The following ABLIM2 variants were observed in gnomAD, a reference collection of about 807,000 sequenced individuals.
The protein encoded by ABLIM2 is actin-binding LIM protein 2.
ABLIM2 carries 53 observed loss-of-function variants against 97.7 expected under a neutral mutation model. The observed-to-expected ratio is 0.54, with a 90% CI of 0.44 to 0.68. The LOEUF is 0.68. Ranked by LOEUF, ABLIM2 falls within the 30% of genes least tolerant of loss-of-function variation. The pLI is 0.00. For missense variants in ABLIM2, 835 were observed against 867.2 expected, an observed-to-expected ratio of 0.96 and a Z score of 0.47; for synonymous variants, 361 against 345.8, an observed-to-expected ratio of 1.04 and a Z score of -0.49.
At chr4:8,104,934 T>G (rs2386115) in intron 2 of ABLIM2, among the ~76,000 whole-genome samples, 18,457 of 152,190 alleles carry the variant, frequency 0.12, 1,986 homozygotes, top group African/African-American at 0.28. Context: ...TGGGCAGCAC[T>G]GGAGACAGCA....
intron 1 of ABLIM2, among the ~76,000 whole-genome samples, chr4:8,107,124 C>T (rs774527848): frequency 6.6e-6 from 1 of 152,236 alleles, no homozygotes. Context: ...CTCAGGGGAG[C>T]TCACTTCAAA....
rs774186019 is a variant in ABLIM2, at chr4:8,158,720, G to A, written c.-31C>T. ...CAGCCGCTCGGAGTCGGGGCGGCCC[G>A]GCGCTGCGACAGCCAGACCCTCGGG... On this transcript the variant is annotated 5_prime_UTR_variant, in exon 1 of 21. Transcript: ENST00000447017. 2.8e-5 allele frequency: 40 copies of A among 1,435,466 alleles called. No individual in the cohort carries two copies. Among genetic ancestry groups the A allele is most frequent in the Non-Finnish European group, 3.5e-5 (38 of 1,094,078 alleles). 88.9% of individuals were successfully genotyped at this position (1,435,466 alleles called of 1,614,324 possible).
chr4:8,141,195 A>C (rs1289255757), intron 1 of ABLIM2, among the ~76,000 whole-genome samples: 8 of 148,152 alleles, frequency 5.4e-5, no homozygotes, highest in South Asian at 4.3e-4. Flanking sequence ...CCCTCTCCCC[A>C]CCCCCCGGAG....
rs189934689 is a variant in ABLIM2, at chr4:8,093,190, T to A, written c.338+3909A>T. Among the ~76,000 whole-genome samples, 9 of 152,308 alleles carry A rather than the reference T, an allele frequency of 5.9e-5. No homozygotes were observed. The East Asian group carries it at 1.7e-3, about 29-fold the overall frequency. On this transcript the variant is annotated intron_variant, in intron 3 of 20. Coordinates refer to ENST00000447017, the MANE Select transcript of ABLIM2 (RefSeq NM_001130083.2). ...AACAGTATTTTGGGTCTTATTATTATTGAGTTGTGAATAATCAATATTTTG... is the reference window on the plus strand; with the variant it reads ...AACAGTATTTTGGGTCTTATTATTAATGAGTTGTGAATAATCAATATTTTG...
rs1822676599 is a variant in ABLIM2, at chr4:8,085,266, C to T, written c.454+2903G>A. Among the ~76,000 whole-genome samples the T allele has an allele frequency of 6.6e-6, 1 of 152,138 alleles. No individual in the cohort carries two copies. The highest frequency in any genetic ancestry group is 1.5e-5 in the Non-Finnish European group (1 of 68,014). ...AGGCCCCACCCTGCTGCCCCCCGGC[C>T]CAGCAAGCTGGCCAGGCAGACGGTG... On this transcript the variant is annotated intron_variant, in intron 4 of 20. Transcript: ENST00000447017. The surrounding 1 kb of genome is among the most constrained non-coding windows in gnomAD (Gnocchi z 6.1).
rs11724908 is a variant in ABLIM2, at chr4:8,083,447, G to A, written c.455-2645C>T. 0.22 allele frequency among the ~76,000 whole-genome samples: 34,005 copies of A among 152,048 alleles called. 4,705 individuals are homozygous for A. Among genetic ancestry groups the A allele is most frequent in the Middle Eastern group, 0.33 (96 of 294 alleles). ...CTGTGATGCCTTTATGGGCATCTCCGCCACTCTGCCTCCTACCATATTGGC... is the reference window on the plus strand; with the variant it reads ...CTGTGATGCCTTTATGGGCATCTCCACCACTCTGCCTCCTACCATATTGGC... On this transcript the variant is annotated intron_variant, in intron 4 of 20. Transcript: ENST00000447017. This position sits in a 1 kb window ranked among gnomAD's most constrained non-coding sequence, Gnocchi z 4.6.
Position 8,150,448 on chromosome 4 carries a change from C to A in ABLIM2, c.10+8232G>T, listed in dbSNP as rs931156777. Among the ~76,000 whole-genome samples, 1 of 152,202 alleles carries A rather than the reference C, an allele frequency of 6.6e-6. No individual in the cohort carries two copies. Among genetic ancestry groups the A allele is most frequent in the Non-Finnish European group, 1.5e-5 (1 of 68,026 alleles). ...GGCCCCATCGTGCCCTGAGGACAGA[C>A]GCCAGCGAGGACAGAGGCAGCATGC... On this transcript the variant is annotated intron_variant, in intron 1 of 20. Transcript: ENST00000447017. The surrounding 1 kb of genome is among the most constrained non-coding windows in gnomAD (Gnocchi z 6.3).
intron 14 of ABLIM2, among the ~76,000 whole-genome samples, chr4:8,017,974 AGAGC>A (rs1372276827): frequency 1.1e-4 from 17 of 151,546 alleles, no homozygotes. Flanking sequence ...GCCTGGTGAC[AGAGC>A]GAGACTCCGT....
rs764914021 is a variant in ABLIM2, at chr4:7,975,990, T to C, written c.1824+7274A>G. Among the ~76,000 whole-genome samples, 3 of 152,272 alleles carry C rather than the reference T, an allele frequency of 2.0e-5. 1 individual carries two copies. Among genetic ancestry groups the C allele is most frequent in the Middle Eastern group, 6.8e-3 (2 of 294 alleles). ...CAATCGTGTTCAGGCAAAGTCCCCA[T>C]GCCCTCACCTTTCCCACCAGCAGTC... On this transcript the variant is annotated intron_variant, in intron 20 of 20. Coordinates refer to ENST00000447017, the MANE Select transcript of ABLIM2 (RefSeq NM_001130083.2).
chr4:8,053,053 C>T (rs1797035192), intron 8 of ABLIM2, among the ~76,000 whole-genome samples: 2 of 152,166 alleles, frequency 1.3e-5, no homozygotes, highest in African/African-American at 4.8e-5. Context: ...CCTTGGGTCA[C>T]AGACCACCAG....
Position 8,021,713 on chromosome 4 carries a change from G to A in ABLIM2, c.1268-1410C>T, listed in dbSNP as rs1041453362. Among the ~76,000 whole-genome samples the A allele has an allele frequency of 6.6e-6, 1 of 152,242 alleles. No individual in the cohort carries two copies. The highest frequency in any genetic ancestry group is 1.5e-5 in the Non-Finnish European group (1 of 68,050). On this transcript the variant is annotated intron_variant, in intron 12 of 20. Coordinates refer to ENST00000447017, the MANE Select transcript of ABLIM2 (RefSeq NM_001130083.2). This position sits in a 1 kb window ranked among gnomAD's most constrained non-coding sequence, Gnocchi z 5.5. ...TGCCTGGTGGTGGGCTGCATGCAGC[G>A]GGAGGTCACCTAGGAGCAGGGTGGC...
intron 8 of ABLIM2, among the ~76,000 whole-genome samples, chr4:8,049,934 G>A (rs1031943361): frequency 6.6e-6 from 1 of 152,088 alleles, no homozygotes; most frequent in Non-Finnish European, 1.5e-5. Context: ...CACCATGTTG[G>A]CCAGGCTGGT....
chr4:8,089,341 A>G (rs1309828994), intron 3 of ABLIM2, among the ~76,000 whole-genome samples: 2 of 152,194 alleles, frequency 1.3e-5, no homozygotes, highest in Non-Finnish European at 2.9e-5. Flanking sequence ...AGCTCCCAGC[A>G]GCCACCGGGC....
intron 3 of ABLIM2, among the ~76,000 whole-genome samples, chr4:8,094,460 G>A (rs547901937): frequency 6.6e-6 from 1 of 152,170 alleles, no homozygotes; most frequent in African/African-American, 2.4e-5. Context: ...ACTCTAAGGG[G>A]GTCTGCATGA....
chr4:7,969,814 T>G (rs1013262939), intron 20 of ABLIM2, among the ~76,000 whole-genome samples: 3 of 150,438 alleles, frequency 2.0e-5, no homozygotes, highest in African/African-American at 7.3e-5. Context: ...AGCCGCCTGC[T>G]GCTATCTCGA....
intron 14 of ABLIM2, among the ~76,000 whole-genome samples, chr4:8,017,323 C>T (rs1054681933): frequency 2.7e-5 from 4 of 150,690 alleles, no homozygotes; most frequent in African/African-American, 9.8e-5. Flanking sequence ...CAGAGAGAGT[C>T]TCACTCTGTC....
intron 14 of ABLIM2, among the ~76,000 whole-genome samples, chr4:8,011,156 G>C (rs1193551911): frequency 6.6e-6 from 1 of 152,228 alleles, no homozygotes; most frequent in Non-Finnish European, 1.5e-5. Context: ...GGTCAGCCTG[G>C]CTTCAGGGAC....
At chr4:7,978,867 G>C (rs770604035) in intron 20 of ABLIM2, among the ~76,000 whole-genome samples, 2 of 152,224 alleles carry the variant, frequency 1.3e-5, no homozygotes, top group Non-Finnish European at 2.9e-5. Flanking sequence ...TGGCCACTGG[G>C]GGATGGTCCC....
intron 9 of ABLIM2, among the ~76,000 whole-genome samples, chr4:8,042,808 C>T (rs184360421): frequency 1.2e-4 from 17 of 142,752 alleles, no homozygotes; most frequent in Non-Finnish European, 2.1e-4. Flanking sequence ...CGTGGCACTC[C>T]AGCCTGGGCA....
Sources: allele counts gnomAD v4.1 joint callset (sites outside exome capture counted in the v4.1 genomes callset), GRCh38; gene constraint gnomAD v4.1.1; non-coding constraint Gnocchi (gnomAD v3.1); transcripts MANE v1.5; gene names NCBI Gene and HGNC (gene_info 2026-07-23, HGNC 2026-07-21).